Variants in LNX1 observed in about 807,000 individuals in gnomAD.
LNX1 encodes ligand of numb-protein X 1, also known as E3 ubiquitin-protein ligase LNX.
A neutral mutation model predicts 68.4 loss-of-function variants in LNX1; 54 were observed. The ratio of observed to expected loss-of-function variants is 0.79; its 90% CI spans 0.63 to 0.99. LNX1 has a LOEUF of 0.99. Among genes scored for constraint, LNX1 ranks in the 50% least tolerant of loss-of-function variants. The pLI is 0.00. For missense variants in LNX1, 906 were observed against 926.4 expected (o/e 0.98, Z 0.29); for synonymous variants, 336 against 350.0 (o/e 0.96, Z 0.45).
In LNX1 at chr4:53,507,359, C is replaced by T; in HGVS notation, c.733G>A (p.Asp245Asn). ...TTTTCAGAATTTTCCCTGCCCTGGTCGGCATGGTTGGCAACTGCACTCCCG... is the reference window on the plus strand; with the variant it reads ...TTTTCAGAATTTTCCCTGCCCTGGTTGGCATGGTTGGCAACTGCACTCCCG... Reference protein sequence around the residue: ...KSGSAVANHADQGRENSENTT... With the variant: ...KSGSAVANHANQGRENSENTT... The change falls in exon 4 of 11, where the codon GAC (aspartate) becomes AAC (asparagine). Residue 245 changes from aspartate to asparagine, a missense_variant. Asp to Asn is a conservative substitution (Grantham distance 23). Coordinates refer to ENST00000263925, the MANE Select transcript of LNX1 (RefSeq NM_001126328.3). 3.1e-6 allele frequency: 5 copies of T among 1,614,110 alleles called. No homozygotes were observed. The highest frequency in any genetic ancestry group is 1.7e-4 in the Middle Eastern group (1 of 6,060).
intron 1 of LNX1, among the ~76,000 whole-genome samples, chr4:53,642,028 C>G (rs1472660837): frequency 6.6e-6 from 1 of 151,890 alleles, no homozygotes; most frequent in Admixed American, 6.6e-5. Flanking sequence ...AGAGACCAGT[C>G]TGGGCAACAT....
chr4:53,642,479 G>A (rs1395258281), intron 1 of LNX1, among the ~76,000 whole-genome samples: 1 of 152,164 alleles, frequency 6.6e-6, no homozygotes, highest in African/African-American at 2.4e-5. Flanking sequence ...ACCACTTTGT[G>A]ATGGGTCCTG....
rs1435214 is a variant in LNX1 at position 53,590,733 on chromosome 4, G to A, written c.-87+655C>T. ...TAATTCTTACTGTAACCAAAGGTCA[G>A]CAGGCAGCCAGTCCAGGTCTAAATG... On this transcript the variant is annotated intron_variant, in intron 1 of 10. Transcript: ENST00000263925. 9.7e-4 allele frequency among the ~76,000 whole-genome samples: 147 copies of A among 152,320 alleles called. 1 individual carries two copies. Among genetic ancestry groups the A allele is most frequent in the Non-Finnish European group, 1.7e-3 (114 of 68,026 alleles).
chr4:53,484,569 A>C (rs1263188237), intron 6 of LNX1, among the ~76,000 whole-genome samples: 1 of 152,060 alleles, frequency 6.6e-6, no homozygotes, highest in African/African-American at 2.4e-5. Context: ...TCTCAAAAAA[A>C]GAAAAAAAAA....
At chr4:53,618,337 T>C (rs1329292687), upstream of LNX1, among the ~76,000 whole-genome samples, 1 of 152,226 alleles carries the variant, frequency 6.6e-6, no homozygotes, top group Non-Finnish European at 1.5e-5. Flanking sequence ...AATTCCTTTT[T>C]CAGATGACTT....
chr4:53,468,640 A>G (rs913559030), intron 9 of LNX1, among the ~76,000 whole-genome samples: 4 of 149,960 alleles, frequency 2.7e-5, no homozygotes, highest in Non-Finnish European at 5.9e-5. Flanking sequence ...AAGGGATGGA[A>G]GAAGATCTAC....
intron 2 of LNX1, among the ~76,000 whole-genome samples, chr4:53,539,592 T>C (rs1728611744): frequency 6.6e-6 from 1 of 152,240 alleles, no homozygotes; most frequent in Non-Finnish European, 1.5e-5. Context: ...TTTGAAAAGA[T>C]TTGAGCTTTG....
At chr4:53,513,907 T>C (rs1170749150) in intron 2 of LNX1, among the ~76,000 whole-genome samples, 1 of 152,234 alleles carries the variant, frequency 6.6e-6, no homozygotes, top group Non-Finnish European at 1.5e-5. Flanking sequence ...TTCTGTCTGT[T>C]GTGACTTCTG....
At chr4:53,508,325 CTTG>C (rs1175877780) in intron 2 of LNX1, 98 bp from the exon 3 acceptor site, 10 of 1,437,672 alleles carry the variant, frequency 7.0e-6, no homozygotes, top group Non-Finnish European at 9.4e-6. Flanking sequence ...GTATAATAGG[CTTG>C]TTGAACTTGG....
intron 2 of LNX1, among the ~76,000 whole-genome samples, chr4:53,519,074 G>A (rs542655255): frequency 2.0e-5 from 3 of 152,284 alleles, no homozygotes; most frequent in Admixed American, 6.5e-5. Context: ...GTCAGTGCAT[G>A]GGGGAGGTGG....
At chr4:53,605,302 C>G (rs1265083392) in intron 2 of LNX1, among the ~76,000 whole-genome samples, 1 of 152,114 alleles carries the variant, frequency 6.6e-6, no homozygotes, top group East Asian at 1.9e-4. Context: ...GTGTTATCGT[C>G]TTTAAACATT....
In LNX1 at chr4:53,515,520, C is replaced by CAA. The variant is rs139163655; in HGVS notation, c.381-7295_381-7294dup. Among the ~76,000 whole-genome samples, 84 of 148,550 alleles carry CAA rather than the reference C, an allele frequency of 5.7e-4. 1 individual carries two copies. The East Asian group carries it at 0.011, about 20-fold the overall frequency. On this transcript the variant is annotated intron_variant, in intron 2 of 10. Coordinates refer to ENST00000263925, the MANE Select transcript of LNX1 (RefSeq NM_001126328.3). ...CTTCAATTTAAGGCCCCCACCCCAC[C>CAA]AAAAAAAAAATGACAAGAAGACCGA...
intron 5 of LNX1, among the ~76,000 whole-genome samples, 199 bp downstream of exon 5, chr4:53,498,438 GGAGA>G (rs908960326): frequency 6.6e-6 from 1 of 151,712 alleles, no homozygotes; most frequent in Non-Finnish European, 1.5e-5. Context: ...GAGAAAGGGG[GGAGA>G]GAGTGAAAGA....
At chr4:53,622,677 A>G (rs888726947) in intron 1 of LNX1, among the ~76,000 whole-genome samples, 4 of 152,204 alleles carry the variant, frequency 2.6e-5, no homozygotes, top group African/African-American at 4.8e-5. Flanking sequence ...GAAAAGGTTT[A>G]AAAGTGTAAA....
At chr4:53,622,070 T>A (rs563813691), upstream of LNX1, among the ~76,000 whole-genome samples, 3 of 152,320 alleles carry the variant, frequency 2.0e-5, no homozygotes, top group South Asian at 6.2e-4. Flanking sequence ...AGCAATTTTC[T>A]TGACATTTTT....
exon 1 of LNX1, chr4:53,652,354 C>T (rs1478438355): frequency 1.3e-5 from 2 of 152,298 alleles, no homozygotes; most frequent in African/African-American, 4.8e-5. Context: ...TGGGCATCCC[C>T]TGCCCCTTCT....
chr4:53,489,826 C>T (rs2109445862), intron 6 of LNX1, among the ~76,000 whole-genome samples: 1 of 152,136 alleles, frequency 6.6e-6, no homozygotes, highest in African/African-American at 2.4e-5. Context: ...ATTAAATTTA[C>T]CACAAACCAT....
At chr4:53,463,789 T>C (rs2150555201) in intron 9 of LNX1, among the ~76,000 whole-genome samples, 1 of 152,214 alleles carries the variant, frequency 6.6e-6, no homozygotes, top group Non-Finnish European at 1.5e-5. Flanking sequence ...ATAAGTATGC[T>C]GAAGTCTTGA....
In LNX1 at chr4:53,645,084, C is replaced by T. The variant is rs551809147; in HGVS notation, c.-215+7084G>A. On this transcript the variant is annotated intron_variant, in intron 1 of 2. Coordinates refer to the LNX1 transcript ENST00000507168. The stretch of plus-strand genomic sequence containing the variant: ...TAAGGGCACAGCCAGGCAGTGTCCA[C>T]GCCAAAAAAGAACAGAAAGTTTGGC... 1.3e-4 allele frequency among the ~76,000 whole-genome samples: 20 copies of T among 152,234 alleles called. No homozygotes were observed. The South Asian group carries it at 1.5e-3, about 11-fold the overall frequency.
Sources: allele counts gnomAD v4.1 joint callset (sites outside exome capture counted in the v4.1 genomes callset), GRCh38; gene constraint gnomAD v4.1.1; transcripts MANE v1.5; gene names NCBI Gene and HGNC (gene_info 2026-07-23, HGNC 2026-07-21).